The following ACTL8 variants were observed in gnomAD, a reference collection of about 807,000 sequenced individuals.
The protein encoded by ACTL8 is actin-like protein 8.
In ACTL8, 3 loss-of-function variants were observed where a neutral mutation model predicts 9.3. The observed-to-expected ratio is 0.32, with a 90% CI of 0.15 to 0.83. The LOEUF (loss-of-function observed/expected upper bound fraction) is 0.83. Among genes scored for constraint, ACTL8 ranks in the 40% least tolerant of loss-of-function variants. The probability of loss-of-function intolerance (pLI) is 0.57; values close to 1 mark genes in which losing one functional copy is unlikely to be tolerated. For missense variants in ACTL8, 381 were observed against 492.2 expected (o/e 0.77, Z 2.14); for synonymous variants, 224 against 205.9 (o/e 1.09, Z -0.75).
chr1:17,768,041 T>C (rs2066057989), intron 1 of ACTL8, among the ~76,000 whole-genome samples: 1 of 151,956 alleles, frequency 6.6e-6, no homozygotes, highest in Non-Finnish European at 1.5e-5. Context: ...GTGTAAGCAA[T>C]AGAAATTGCC....
At chr1:17,797,502 C>T (rs999612066) in intron 1 of ACTL8, among the ~76,000 whole-genome samples, 10 of 152,180 alleles carry the variant, frequency 6.6e-5, no homozygotes, top group South Asian at 4.1e-4. Flanking sequence ...GGAGGCATTG[C>T]GCTCAGTAGC....
intron 1 of ACTL8, among the ~76,000 whole-genome samples, chr1:17,800,669 C>T (rs996825211): frequency 6.2e-5 from 9 of 144,152 alleles, no homozygotes; most frequent in African/African-American, 2.1e-4. Context: ...GATCTCGGCT[C>T]ACCACACCCT....
chr1:17,778,413 G>C (rs888015302), intron 1 of ACTL8, among the ~76,000 whole-genome samples: 1 of 152,076 alleles, frequency 6.6e-6, no homozygotes, highest in Non-Finnish European at 1.5e-5. Flanking sequence ...CTCCCACTGA[G>C]ACCCTGAATC....
intron 1 of ACTL8, among the ~76,000 whole-genome samples, chr1:17,773,965 C>A (rs2102679714): frequency 6.6e-6 from 1 of 152,282 alleles, no homozygotes; most frequent in African/African-American, 2.4e-5. Flanking sequence ...AGAGGGTAGC[C>A]AGAGGTGGTG....
At chr1:17,800,102 G>T (rs533577678) in intron 1 of ACTL8, among the ~76,000 whole-genome samples, 2 of 152,062 alleles carry the variant, frequency 1.3e-5, no homozygotes, top group Non-Finnish European at 2.9e-5. Context: ...AGAACTTATT[G>T]ACCATATTCT....
At position 17,769,197 on chromosome 1, in the gene ACTL8, G is replaced by A. The variant is rs1411741251; in HGVS notation, c.-25+13693G>A. Among the ~76,000 whole-genome samples, 11 of 152,242 alleles carry A rather than the reference G, an allele frequency of 7.2e-5. No individual in the cohort carries two copies. In the East Asian group the frequency reaches 7.7e-4, roughly 11 times the overall value. On this transcript the variant is annotated intron_variant, in intron 1 of 2. Transcript: ENST00000375406. ...CAGCTGCTGATCTGTCCTGTTGAGC[G>A]CCTTGATTCTTTTCCTTCAGCCTTC...
At chr1:17,825,309 C>T (rs923008254) in intron 2 of ACTL8, among the ~76,000 whole-genome samples, 4 of 150,588 alleles carry the variant, frequency 2.7e-5, no homozygotes, top group Admixed American at 6.6e-5. Flanking sequence ...TTCGTTCTGG[C>T]GTCTTTTTTC....
rs1372839205 is a variant in ACTL8 at position 17,767,566 on chromosome 1, G to C, written c.-25+12062G>C. 6.6e-6 allele frequency among the ~76,000 whole-genome samples: 1 copy of C among 152,158 alleles called. No homozygotes were observed. The highest frequency in any genetic ancestry group is 2.4e-5 in the African/African-American group (1 of 41,430). ...CCGTGGCTGGGTGCATGGCTCCCGG[G>C]CACTGCTCTTTTGTGGCTGCCTTGT... is the stretch of plus-strand genomic sequence containing the variant. On this transcript the variant is annotated intron_variant, in intron 1 of 2. Coordinates refer to ENST00000375406, the MANE Select transcript of ACTL8 (RefSeq NM_030812.3). The surrounding 1 kb of genome is among the most constrained non-coding windows in gnomAD (Gnocchi z 4.7).
chr1:17,816,200 C>CTTT lies in ACTL8; in HGVS notation c.-24-6771_-24-6769dup, dbSNP rs34383884. On this transcript the variant is annotated intron_variant, in intron 1 of 2. Coordinates refer to ENST00000375406, the MANE Select transcript of ACTL8 (RefSeq NM_030812.3). Reference sequence around the variant, plus strand: ...GCAATAGAACTCAAAATATTAATAGCTTTTTTTTTTTTTTTTGAGACCAGG... The same window carrying CTTT: ...GCAATAGAACTCAAAATATTAATAGCTTTTTTTTTTTTTTTTTTTGAGACCAGG... Among the ~76,000 whole-genome samples the CTTT allele has an allele frequency of 1.2e-3, 163 of 139,624 alleles. 1 individual carries two copies. The highest frequency in any genetic ancestry group is 3.1e-3 in the African/African-American group (115 of 36,852). The allele number at this position is 139,624 out of a possible 152,430, so 91.6% of individuals were successfully genotyped here.
chr1:17,820,655 C>A (rs1191475891), intron 1 of ACTL8, among the ~76,000 whole-genome samples: 1 of 151,824 alleles, frequency 6.6e-6, no homozygotes, highest in Non-Finnish European at 1.5e-5. Flanking sequence ...GCAACCTCCA[C>A]CTCCTGGGTT....
At chr1:17,813,619 A>G (rs942581468) in intron 1 of ACTL8, among the ~76,000 whole-genome samples, 1 of 152,154 alleles carries the variant, frequency 6.6e-6, no homozygotes, top group African/African-American at 2.4e-5. Context: ...GGTTCAAGGT[A>G]ATACTGGCCC....
chr1:17,772,155 A>G lies in ACTL8; in HGVS notation c.-25+16651A>G, dbSNP rs560828525. Among the ~76,000 whole-genome samples, 26 of 152,348 alleles carry G rather than the reference A, an allele frequency of 1.7e-4. 1 individual carries two copies. Among genetic ancestry groups the G allele is most frequent in the Admixed American group, 3.3e-4 (5 of 15,298 alleles). ...GTGTTCACCTAGTGTTTCTAGGGGAAAAGTCCTGAATCAACACATGAGAAG... is the reference window on the plus strand; with the variant it reads ...GTGTTCACCTAGTGTTTCTAGGGGAGAAGTCCTGAATCAACACATGAGAAG... On this transcript the variant is annotated intron_variant, in intron 1 of 2. Transcript: ENST00000375406.
At chr1:17,822,835 C>T in intron 1 of ACTL8, 150 bp from the exon 2 acceptor site, 5 of 617,832 alleles carry the variant, frequency 8.1e-6, no homozygotes, top group South Asian at 8.0e-5. Context: ...GGGAGTGTTC[C>T]AGGCACAGGT....
At position 17,825,994 on chromosome 1, in the gene ACTL8, T is replaced by C; in HGVS notation, c.576T>C (p.Asp192=). Reference sequence around the variant, plus strand: ...TCCTCAAGAGTCTCTTTAAGGAAGATTGCGATAGACGCTGCCTGTTTCAGC... The same window carrying C: ...TCCTCAAGAGTCTCTTTAAGGAAGACTGCGATAGACGCTGCCTGTTTCAGC... The part of the protein sequence containing the change: ...AYLLKSLFKE[D]CDRRCLFQLE... Residue 192 remains aspartate (D), a synonymous_variant, in exon 3 of 3, where the codon GAT becomes GAC. Transcript: ENST00000375406. The C allele has an allele frequency of 6.2e-7, 1 of 1,608,536 alleles. No homozygotes were observed. Among genetic ancestry groups the C allele is most frequent in the Non-Finnish European group, 8.5e-7 (1 of 1,179,978 alleles).
chr1:17,798,767 G>A (rs919800900), intron 1 of ACTL8, among the ~76,000 whole-genome samples: 1 of 151,992 alleles, frequency 6.6e-6, no homozygotes, highest in African/African-American at 2.4e-5. Flanking sequence ...CTTTTTTAAA[G>A]TCTTTCCTTC....
At chr1:17,815,109 G>T (rs566252928) in intron 1 of ACTL8, among the ~76,000 whole-genome samples, 1 of 152,320 alleles carries the variant, frequency 6.6e-6, no homozygotes, top group South Asian at 2.1e-4. Context: ...ATAACATGCA[G>T]TACCAGTTCG....
intron 1 of ACTL8, among the ~76,000 whole-genome samples, chr1:17,791,200 A>G (rs2066236942): frequency 2.0e-5 from 3 of 151,972 alleles, no homozygotes; most frequent in Admixed American, 6.5e-5. Flanking sequence ...TCCTGCCCCA[A>G]CTCGGAAGGG....
At chr1:17,779,449 G>A (rs910785558) in intron 1 of ACTL8, among the ~76,000 whole-genome samples, 7 of 152,126 alleles carry the variant, frequency 4.6e-5, no homozygotes, top group African/African-American at 1.7e-4. Context: ...TTATCTTTCT[G>A]CCTAGATCCC....
At chr1:17,804,639 C>G (rs1449784448) in intron 1 of ACTL8, among the ~76,000 whole-genome samples, 1 of 149,324 alleles carries the variant, frequency 6.7e-6, no homozygotes, top group Non-Finnish European at 1.5e-5. Context: ...TGGAGTTTTG[C>G]TTTTGTTGCC....
Sources: allele counts gnomAD v4.1 joint callset (sites outside exome capture counted in the v4.1 genomes callset), GRCh38; gene constraint gnomAD v4.1.1; non-coding constraint Gnocchi (gnomAD v3.1); transcripts MANE v1.5; gene names NCBI Gene and HGNC (gene_info 2026-07-23, HGNC 2026-07-21).